The following CHURC1 variants were observed in gnomAD, a reference collection of about 807,000 sequenced individuals.
CHURC1 encodes the protein protein Churchill.
A neutral mutation model predicts 15.4 loss-of-function variants in CHURC1; 12 were observed. The ratio of observed to expected loss-of-function variants is 0.78; its 90% CI spans 0.50 to 1.27. The LOEUF (loss-of-function observed/expected upper bound fraction) is 1.27. Ranked by LOEUF, CHURC1 falls within the 50% of genes most tolerant of loss-of-function variation. The probability of loss-of-function intolerance (pLI) is 0.00; values close to 1 mark genes in which losing one functional copy is unlikely to be tolerated. For synonymous variants in CHURC1, 42 were observed against 47.5 expected, an observed-to-expected ratio of 0.88 and a Z score of 0.48; for missense variants, 132 against 137.8, an observed-to-expected ratio of 0.96 and a Z score of 0.21.
intron 1 of CHURC1, among the ~76,000 whole-genome samples, chr14:64,920,311 C>T (rs780412883): frequency 5.3e-5 from 8 of 152,014 alleles, no homozygotes; most frequent in Admixed American, 2.0e-4. Context: ...GACTTTTTTC[C>T]TTCTTTAAGC....
chr14:64,935,347 A>T lies in CHURC1; in HGVS notation c.*3117A>T. The T allele has an allele frequency of 1.1e-6, 1 of 934,614 alleles. No individual in the cohort carries two copies. Among genetic ancestry groups the T allele is most frequent in the Non-Finnish European group, 1.3e-6 (1 of 784,032 alleles). The allele number at this position is 934,614 out of a possible 1,614,324, so 57.9% of individuals were successfully genotyped here. On this transcript the variant is annotated 3_prime_UTR_variant, in exon 4 of 4. Transcript: ENST00000549115. The stretch of plus-strand genomic sequence containing the variant: ...CTTAAAGTATAATAATAATAAAATA[A>T]AAAAAAAGGAATTAGGCAAAACATG...
chr14:64,930,677 A>C (rs746282280), intron 3 of CHURC1: 2 of 364,290 alleles, frequency 5.5e-6, no homozygotes, highest in Non-Finnish European at 1.1e-5. Context: ...ATTGCAGAGC[A>C]TGTAGGCACT....
chr14:64,928,963 A>T (rs1594902917), intron 3 of CHURC1, among the ~76,000 whole-genome samples: 1 of 151,812 alleles, frequency 6.6e-6, no homozygotes, highest in East Asian at 1.9e-4. Flanking sequence ...TACCTTTCTC[A>T]TTTCCTTCTC....
chr14:64,931,997 G>A, intron 3 of CHURC1, 141 bp from the exon 4 acceptor site: 1 of 1,036,220 alleles, frequency 9.7e-7, no homozygotes, highest in Non-Finnish European at 1.4e-6. Flanking sequence ...CTAAGACATT[G>A]CTGATACATG....
At chr14:64,919,897 A>G (rs1884153669) in intron 1 of CHURC1, among the ~76,000 whole-genome samples, 1 of 151,850 alleles carries the variant, frequency 6.6e-6, no homozygotes, top group South Asian at 2.1e-4. Flanking sequence ...AAGAAAAAAA[A>G]AGAAAAAGAC....
At chr14:64,922,565 G>A (rs1367650101) in intron 1 of CHURC1, among the ~76,000 whole-genome samples, 2 of 130,046 alleles carry the variant, frequency 1.5e-5, no homozygotes, top group African/African-American at 6.1e-5. Flanking sequence ...GTGACAGAGC[G>A]AGACTCCGTC....
chr14:64,917,153 T>C (rs1476895902), intron 1 of CHURC1, among the ~76,000 whole-genome samples: 1 of 152,134 alleles, frequency 6.6e-6, no homozygotes, highest in Non-Finnish European at 1.5e-5. Flanking sequence ...AAGAATTAGG[T>C]TGGGCACGGT....
chr14:64,932,443 G>A lies in CHURC1; in HGVS notation c.*213G>A. 1 of 1,271,526 alleles carries A rather than the reference G, an allele frequency of 7.9e-7. No individual in the cohort carries two copies. The highest frequency in any genetic ancestry group is 1.5e-5 in the African/African-American group (1 of 66,532). 78.8% of individuals were successfully genotyped at this position (1,271,526 alleles called of 1,614,324 possible). A position where few individuals can be genotyped will look rare whatever the true frequency, so the allele number is the denominator to read the frequency against. On this transcript the variant is annotated 3_prime_UTR_variant, in exon 4 of 4. Transcript: ENST00000549115. Reference sequence around the variant, plus strand: ...AAAGTTCAAAGTTCACATCAGTGTAGCCAGAGTGAAGCATCTTTGTTAGCA... The same window carrying A: ...AAAGTTCAAAGTTCACATCAGTGTAACCAGAGTGAAGCATCTTTGTTAGCA...
intron 3 of CHURC1, among the ~76,000 whole-genome samples, chr14:64,926,438 A>T (rs1228481885): frequency 6.6e-6 from 1 of 152,204 alleles, no homozygotes; most frequent in Non-Finnish European, 1.5e-5. Context: ...CACAAATCAA[A>T]ATGTGTAGTT....
intron 1 of CHURC1, among the ~76,000 whole-genome samples, chr14:64,923,741 G>A (rs981236883): frequency 1.0e-4 from 15 of 146,536 alleles, no homozygotes; most frequent in Non-Finnish European, 1.9e-4. Context: ...TTTCAACATA[G>A]TGGCAGTCCT....
At chr14:64,926,562 C>T (rs1438549900) in intron 3 of CHURC1, among the ~76,000 whole-genome samples, 1 of 152,204 alleles carries the variant, frequency 6.6e-6, no homozygotes, top group Non-Finnish European at 1.5e-5. Flanking sequence ...CGTGATTGCA[C>T]AGTTGTGGGC....
Position 64,924,066 on chromosome 14 carries a change from A to T in CHURC1, c.115A>T (p.Met39Leu). The T allele has an allele frequency of 6.2e-7, 1 of 1,608,402 alleles. No homozygotes were observed. Among genetic ancestry groups the T allele is most frequent in the South Asian group, 1.1e-5 (1 of 89,966 alleles). ...TGCAGTGTGCAGTAAGCGGGATTTTATGCTGATCACAAACAAATCCTTGAA... is the reference window on the plus strand; with the variant it reads ...TGCAGTGTGCAGTAAGCGGGATTTTTTGCTGATCACAAACAAATCCTTGAA... Reference protein sequence around the residue: ...GCAVCSKRDFMLITNKSLKEE... With the variant: ...GCAVCSKRDFLLITNKSLKEE... The change falls in exon 2 of 4, where the codon ATG becomes TTG. Residue 39 changes from methionine to leucine, a missense_variant. Physicochemically the swap from Met to Leu is conservative, Grantham distance 15 (BLOSUM62 2). Transcript: ENST00000549115.
At position 64,934,660 on chromosome 14, in the gene CHURC1, A is replaced by G; in HGVS notation, c.*2430A>G. ...CCTGCTGAGGAAATCGTTTGGTGAA[A>G]TGAATCCAGAAAGCAGAGAAAATGC... On this transcript the variant is annotated 3_prime_UTR_variant, in exon 4 of 4. Coordinates refer to ENST00000549115, the MANE Select transcript of CHURC1 (RefSeq NM_001386928.1). 1.0e-6 allele frequency: 1 copy of G among 985,438 alleles called. No individual in the cohort carries two copies. Among genetic ancestry groups the G allele is most frequent in the Non-Finnish European group, 1.2e-6 (1 of 829,934 alleles). The allele number at this position is 985,438 out of a possible 1,614,324, so 61.0% of individuals were successfully genotyped here.
intron 3 of CHURC1, 84 bp from the exon 4 acceptor site, chr14:64,932,054 G>T: frequency 2.0e-6 from 3 of 1,510,436 alleles, no homozygotes; most frequent in Admixed American, 2.1e-5. Context: ...ATGACAATTT[G>T]TAGAGAACAT....
In CHURC1 at chr14:64,932,552, A is replaced by C. The variant is rs1036020273; in HGVS notation, c.*322A>C. ...CCAATAAAAGGAACCAGGACTCCTT[A>C]GAAAATGAACTGATTCTAGAACTGG... On this transcript the variant is annotated 3_prime_UTR_variant, in exon 4 of 4. Transcript: ENST00000549115. 37 of 774,236 alleles carry C rather than the reference A, an allele frequency of 4.8e-5. No individual in the cohort carries two copies. The highest frequency in any genetic ancestry group is 5.6e-5 in the Non-Finnish European group (35 of 621,334). 48.0% of individuals were successfully genotyped at this position (774,236 alleles called of 1,614,324 possible).
At chr14:64,924,863 T>C (rs1002111616) in intron 2 of CHURC1, among the ~76,000 whole-genome samples, 4 of 152,250 alleles carry the variant, frequency 2.6e-5, no homozygotes, top group Non-Finnish European at 5.9e-5. Context: ...GGTTCTTGGG[T>C]ACCTTCTAAA....
intron 3 of CHURC1, among the ~76,000 whole-genome samples, chr14:64,926,416 C>G (rs1045917088): frequency 2.0e-5 from 3 of 152,094 alleles, no homozygotes; most frequent in Non-Finnish European, 4.4e-5. Context: ...GTAAACCTGT[C>G]TTCACGAGAA....
At chr14:64,915,037 C>T (rs1883770079) in intron 1 of CHURC1, among the ~76,000 whole-genome samples, 1 of 152,256 alleles carries the variant, frequency 6.6e-6, no homozygotes, top group Admixed American at 6.5e-5. Context: ...CTGCCTGTTA[C>T]CGCCTTCTGA....
At chr14:64,916,639 A>G (rs1883900837) in intron 1 of CHURC1, among the ~76,000 whole-genome samples, 2 of 152,058 alleles carry the variant, frequency 1.3e-5, no homozygotes, top group African/African-American at 2.4e-5. Flanking sequence ...GTGCAGTGGC[A>G]TGATCTCGGC....
Sources: gnomAD v4.1 joint callset for allele counts (sites outside exome capture counted in the v4.1 genomes callset) on GRCh38, gnomAD v4.1.1 for gene constraint, MANE v1.5 for transcripts, NCBI Gene and HGNC (gene_info 2026-07-23, HGNC 2026-07-21) for gene names.